Variants in WDR88 observed in about 807,000 individuals in gnomAD.
WDR88 encodes the protein WD repeat domain 88, also known as WD repeat-containing protein 88.
WDR88 carries 40 observed loss-of-function variants against 46.8 expected under a neutral mutation model. The ratio of observed to expected loss-of-function variants is 0.86; its 90% CI spans 0.66 to 1.11. The LOEUF (loss-of-function observed/expected upper bound fraction) is 1.11, where lower values mean the gene tolerates loss of function less well. Among genes scored for constraint, WDR88 ranks in the 50% most tolerant of loss-of-function variants. The pLI, the probability that WDR88 is intolerant of heterozygous loss-of-function variation, is 0.00. For missense variants in WDR88, 562 were observed against 602.4 expected (o/e 0.93, Z 0.70); for synonymous variants, 235 against 240.7 (o/e 0.98, Z 0.22).
At chr19:33,143,263 A>T (rs1973437844) in intron 2 of WDR88, among the ~76,000 whole-genome samples, 2 of 142,936 alleles carry the variant, frequency 1.4e-5, no homozygotes, top group South Asian at 4.5e-4. Flanking sequence ...GGAGCCCAGG[A>T]GGTGGTGCCT....
At position 33,151,326 on chromosome 19, in the gene WDR88, G is replaced by A; in HGVS notation, c.809+16G>A. The A allele has an allele frequency of 6.2e-7, 1 of 1,610,032 alleles. No homozygotes were observed. Among genetic ancestry groups the A allele is most frequent in the Non-Finnish European group, 8.5e-7 (1 of 1,178,228 alleles). ...CCATCACTAAGTGAGTTGGACCCCA[G>A]GAGGCCAGAAGGGAGTTTGGGTGGG... On this transcript the variant is annotated intron_variant, in intron 6 of 10. Coordinates refer to ENST00000355868, the MANE Select transcript of WDR88 (RefSeq NM_173479.4).
intron 9 of WDR88, among the ~76,000 whole-genome samples, chr19:33,168,251 C>T (rs1437035765): frequency 2.0e-5 from 3 of 152,006 alleles, no homozygotes; most frequent in Non-Finnish European, 4.4e-5. Context: ...TGGTCTTGAA[C>T]TCCTGACCCC....
intron 5 of WDR88, among the ~76,000 whole-genome samples, chr19:33,149,360 C>A (rs1163637639): frequency 2.0e-5 from 3 of 152,016 alleles, no homozygotes; most frequent in East Asian, 1.9e-4. Flanking sequence ...AACAAACAAA[C>A]AAAAAAACAC....
At chr19:33,136,510 C>T (rs1329727622) in intron 1 of WDR88, among the ~76,000 whole-genome samples, 1 of 151,946 alleles carries the variant, frequency 6.6e-6, no homozygotes, top group African/African-American at 2.4e-5. Context: ...TTTTCATTTG[C>T]ACTTTCCTGA....
chr19:33,157,705 A>G lies in WDR88; in HGVS notation c.997+1163A>G, dbSNP rs369582860. 2.1e-4 allele frequency among the ~76,000 whole-genome samples: 3 copies of G among 13,968 alleles called. 1 individual carries two copies. The South Asian group carries it at 3.3e-3, about 15-fold the overall frequency. The allele number at this position is 13,968 out of a possible 152,430, so 9.2% of individuals were successfully genotyped here. A position where few individuals can be genotyped will look rare whatever the true frequency, so the allele number is the denominator to read the frequency against. ...TATGTATGTATATATATATATATAT[A>G]TATATATATATATATATATATATAT... On this transcript the variant is annotated intron_variant, in intron 7 of 10. Coordinates refer to ENST00000355868, the MANE Select transcript of WDR88 (RefSeq NM_173479.4).
At position 33,132,415 on chromosome 19, in the gene WDR88, G is replaced by A. The variant is rs1005106289; in HGVS notation, c.246G>A (p.Leu82=). 6.2e-7 allele frequency: 1 copy of A among 1,614,124 alleles called. No individual in the cohort carries two copies. Among genetic ancestry groups the A allele is most frequent in the Non-Finnish European group, 8.5e-7 (1 of 1,180,020 alleles). ...AGAAGCACCAGGTGCCGGAGAAATT[G>A]ATCTGGGGCGACCAGGACCCTCTCT... is the stretch of plus-strand genomic sequence containing the variant. ...LPEKHQVPEK[L]IWGDQDPLSK... Residue 82 remains leucine (L), a synonymous_variant, in exon 1 of 11, where the codon TTG becomes TTA. Coordinates refer to ENST00000355868, the MANE Select transcript of WDR88 (RefSeq NM_173479.4).
At position 33,138,231 on chromosome 19, in the gene WDR88, T is replaced by C. The variant is rs557439673; in HGVS notation, c.387+444T>C. On this transcript the variant is annotated intron_variant, in intron 2 of 10. Coordinates refer to ENST00000355868, the MANE Select transcript of WDR88 (RefSeq NM_173479.4). ...TTGTTTTTTGTTTTTTTGTGTTTTT[T>C]AGTAGAGATGGGGTTTCACCATGTT... 3.9e-5 allele frequency among the ~76,000 whole-genome samples: 6 copies of C among 152,200 alleles called. No individual in the cohort carries two copies. In the South Asian group the frequency reaches 6.2e-4, roughly 16 times the overall value.
chr19:33,140,470 G>A (rs1973366596), intron 2 of WDR88, among the ~76,000 whole-genome samples: 1 of 152,134 alleles, frequency 6.6e-6, no homozygotes, highest in African/African-American at 2.4e-5. Context: ...TTTCATAGAT[G>A]TATGCGGACA....
intron 5 of WDR88, among the ~76,000 whole-genome samples, chr19:33,149,782 T>C (rs1457218799): frequency 6.6e-6 from 1 of 151,858 alleles, no homozygotes; most frequent in Non-Finnish European, 1.5e-5. Flanking sequence ...GCCTCAGCCT[T>C]CTGAGTAGCT....
chr19:33,141,665 G>A (rs1469032524), intron 2 of WDR88, among the ~76,000 whole-genome samples: 1 of 152,110 alleles, frequency 6.6e-6, no homozygotes, highest in Non-Finnish European at 1.5e-5. Context: ...TCTCCAATGA[G>A]GGGAAAAGGG....
At chr19:33,151,422 A>G (rs1973633038) in intron 6 of WDR88, 112 bp downstream of exon 6, 1 of 1,370,052 alleles carries the variant, frequency 7.3e-7, no homozygotes, top group East Asian at 2.5e-5. Context: ...TAGCTTGGTC[A>G]TAGGTGCTCT....
intron 2 of WDR88, among the ~76,000 whole-genome samples, chr19:33,140,504 C>T (rs1364207308): frequency 3.3e-5 from 5 of 152,054 alleles, no homozygotes; most frequent in Non-Finnish European, 5.9e-5. Context: ...AAAAAAGACA[C>T]GTCGGCTGGG....
At chr19:33,142,878 A>AAAAAAAAAAAAAAAAAAG (rs1289318961) in intron 2 of WDR88, 4 of 142,874 alleles carry the variant, frequency 2.8e-5, no homozygotes, top group African/African-American at 8.2e-5. Flanking sequence ...AAAAAAAAAA[A>AAAAAAAAAAAAAAAAAAG]AAGGCCGGGG....
rs757267563 is a variant in WDR88 at position 33,164,211 on chromosome 19, GGTGAT to G, written c.1097_1101del (p.Val366GlyfsTer5). On this transcript the variant is annotated frameshift_variant, in exon 9 of 11. Transcript: ENST00000355868. LOFTEE classifies it high-confidence loss of function. The stretch of plus-strand genomic sequence containing the variant: ...TATTTCTTCAGGGCCATAATGACTG[GGTGAT>G]GGATGTTGCCATTAGCAACAACAAG... The G allele has an allele frequency of 6.2e-7, 1 of 1,613,920 alleles. No homozygotes were observed. Among genetic ancestry groups the G allele is most frequent in the East Asian group, 2.2e-5 (1 of 44,884 alleles).
chr19:33,138,668 C>CTTTCT lies in WDR88; in HGVS notation c.387+900_387+904dup, dbSNP rs146324703. ...GGCCCCCACACCTTTTTTTTTTTTCCTTTCTTTTCTTTTCTTTTCTTTTTT... is the reference window on the plus strand; with the variant it reads ...GGCCCCCACACCTTTTTTTTTTTTCCTTTCTTTTCTTTTCTTTTCTTTTCTTTTTT... On this transcript the variant is annotated intron_variant, in intron 2 of 10. Transcript: ENST00000355868. Among the ~76,000 whole-genome samples, 58 of 135,272 alleles carry CTTTCT rather than the reference C, an allele frequency of 4.3e-4. 2 individuals carry two copies. The highest frequency in any genetic ancestry group is 7.2e-4 in the Admixed American group (9 of 12,432). 88.7% of individuals were successfully genotyped at this position (135,272 alleles called of 152,430 possible).
At chr19:33,175,300 G>T in intron 10 of WDR88, 96 bp from the exon 11 acceptor site, 1 of 1,284,844 alleles carries the variant, frequency 7.8e-7, no homozygotes, top group South Asian at 1.4e-5. Flanking sequence ...CCCTTGCCTT[G>T]CCCCAGCTCA....
chr19:33,165,645 C>T (rs1463321070), intron 9 of WDR88, among the ~76,000 whole-genome samples: 1 of 152,116 alleles, frequency 6.6e-6, no homozygotes, highest in Non-Finnish European at 1.5e-5. Flanking sequence ...GTAATCCCAG[C>T]ACTTTGGGAG....
chr19:33,172,298 T>A (rs768990022), intron 9 of WDR88, 50 bp from the exon 10 acceptor site: 2 of 1,448,928 alleles, frequency 1.4e-6, no homozygotes, highest in South Asian at 2.3e-5. Context: ...TTCCTTTGTA[T>A]GGATGTACCA....
rs563264145 is a variant in WDR88 at position 33,170,880 on chromosome 19, A to G, written c.1150-1468A>G. On this transcript the variant is annotated intron_variant, in intron 9 of 10. Transcript: ENST00000355868. ...CTGTCTTAAAAAAAGAGAAAAAAAG[A>G]AAGAAAAAATCTCATTAAGTGCTTC... Among the ~76,000 whole-genome samples the G allele has an allele frequency of 6.9e-4, 105 of 152,296 alleles. 3 individuals are homozygous for G. The highest frequency in any genetic ancestry group is 6.8e-3 in the Middle Eastern group (2 of 294).
Sources: allele counts gnomAD v4.1 joint callset (sites outside exome capture counted in the v4.1 genomes callset), GRCh38; gene constraint gnomAD v4.1.1; transcripts MANE v1.5; gene names NCBI Gene and HGNC (gene_info 2026-07-23, HGNC 2026-07-21).